Variants in KCNH3 observed in about 807,000 individuals in gnomAD.
KCNH3 encodes potassium voltage-gated channel subfamily H member 3.
Under a neutral mutation model 95.6 loss-of-function variants are expected in KCNH3, and 36 were observed. The ratio of observed to expected loss-of-function variants is 0.38; its 90% CI spans 0.29 to 0.50. The LOEUF (loss-of-function observed/expected upper bound fraction) is 0.50. Among genes scored for constraint, KCNH3 ranks in the 20% least tolerant of loss-of-function variants. The pLI, the probability that KCNH3 is intolerant of heterozygous loss-of-function variation, is 0.95. For synonymous variants in KCNH3, 620 were observed against 646.3 expected, an observed-to-expected ratio of 0.96 and a Z score of 0.62; for missense variants, 1,030 against 1,484.1, an observed-to-expected ratio of 0.69 and a Z score of 5.03.
At chr12:49,555,395 C>T (rs1938401853) in intron 11 of KCNH3, among the ~76,000 whole-genome samples, 1 of 146,860 alleles carries the variant, frequency 6.8e-6, no homozygotes, top group South Asian at 2.2e-4. Flanking sequence ...TGCAGCGAGC[C>T]GAGATCACAC....
rs557698604 is a variant in KCNH3 at position 49,558,231 on chromosome 12, C to G, written c.*278C>G. ...TGAGGACAAGGAAGAGCTTTGCCAT[C>G]CCCTGCATGTGCCCCTGCCTCTACC... On this transcript the variant is annotated 3_prime_UTR_variant, in exon 15 of 15. Transcript: ENST00000257981. The G allele has an allele frequency of 1.1e-3, 437 of 399,410 alleles. 2 individuals are homozygous for G. Among genetic ancestry groups the G allele is most frequent in the Non-Finnish European group, 1.3e-3 (304 of 227,602 alleles). 24.7% of individuals were successfully genotyped at this position (399,410 alleles called of 1,614,324 possible).
At chr12:49,549,395 C>T (rs1175659476) in intron 8 of KCNH3, 46 bp from the exon 9 acceptor site, 15 of 1,598,736 alleles carry the variant, frequency 9.4e-6, no homozygotes, top group Non-Finnish European at 1.3e-5. Flanking sequence ...TGGTGTCAGG[C>T]CGGGCCAGGT....
chr12:49,541,267 C>G lies in KCNH3; in HGVS notation c.310+135C>G, dbSNP rs1565773378. On this transcript the variant is annotated intron_variant, in intron 2 of 14. Coordinates refer to ENST00000257981, the MANE Select transcript of KCNH3 (RefSeq NM_012284.3). Reference sequence around the variant, plus strand: ...ATGTCATCCCATCTTCCCATCCCCCCATCCAACCCCTCTTGCTCCATCCCA... The same window carrying G: ...ATGTCATCCCATCTTCCCATCCCCCGATCCAACCCCTCTTGCTCCATCCCA... 7 of 719,018 alleles carry G rather than the reference C, an allele frequency of 9.7e-6. No homozygotes were observed. The Admixed American group carries it at 1.4e-4, about 14-fold the overall frequency. 44.5% of individuals were successfully genotyped at this position (719,018 alleles called of 1,614,324 possible).
intron 10 of KCNH3, among the ~76,000 whole-genome samples, chr12:49,551,574 C>CAAAAAA (rs59344956): frequency 1.9e-3 from 106 of 57,150 alleles, no homozygotes; most frequent in Non-Finnish European, 2.5e-3. Context: ...GACTCTGTCT[C>CAAAAAA]AAAAAAAAAA....
chr12:49,541,182 C>A lies in KCNH3; in HGVS notation c.310+50C>A. ...CCTCACCTTTGCAGTCTCACCCAGC[C>A]TGGCACCAGCCCCATCCACTGTCCC... is the stretch of plus-strand genomic sequence containing the variant. On this transcript the variant is annotated intron_variant, in intron 2 of 14. Coordinates refer to ENST00000257981, the MANE Select transcript of KCNH3 (RefSeq NM_012284.3). 2.2e-6 allele frequency: 3 copies of A among 1,374,932 alleles called. No individual in the cohort carries two copies. The South Asian group carries it at 3.7e-5, about 17-fold the overall frequency. The allele number at this position is 1,374,932 out of a possible 1,614,324, so 85.2% of individuals were successfully genotyped here. A position where few individuals can be genotyped will look rare whatever the true frequency, so the allele number is the denominator to read the frequency against.
chr12:49,543,549 CT>C, intron 5 of KCNH3, 31 bp downstream of exon 5: 1 of 1,578,162 alleles, frequency 6.3e-7, no homozygotes, highest in Non-Finnish European at 8.6e-7. Context: ...CCGCCCCACC[CT>C]TTGCTGGCGC....
At chr12:49,547,134 C>T (rs1938089389) in intron 7 of KCNH3, among the ~76,000 whole-genome samples, 1 of 152,168 alleles carries the variant, frequency 6.6e-6, no homozygotes, top group African/African-American at 2.4e-5. Flanking sequence ...ACCTTGTGAT[C>T]TGCCCACCTC....
At chr12:49,541,207 C>T in intron 2 of KCNH3, 75 bp downstream of exon 2, 1 of 1,068,900 alleles carries the variant, frequency 9.4e-7, no homozygotes, top group Non-Finnish European at 1.4e-6. Context: ...TCCACTGTCC[C>T]TCCTCCTTTC....
chr12:49,547,431 C>G (rs1043310697), intron 7 of KCNH3, among the ~76,000 whole-genome samples: 12 of 152,248 alleles, frequency 7.9e-5, no homozygotes, highest in African/African-American at 2.9e-4. Flanking sequence ...TTCTTTGTAT[C>G]AAAACCCTAC....
rs903936510 is a variant in KCNH3 at position 49,542,898 on chromosome 12, G to A, written c.579+59G>A. The A allele has an allele frequency of 4.8e-5, 76 of 1,573,342 alleles. 1 individual carries two copies. In the South Asian group the frequency reaches 7.5e-4, roughly 16 times the overall value. ...AGGGGCAGACGCAGAAGATGGGGAA[G>A]GGGAACCTGATCTACCACAGAGAGA... On this transcript the variant is annotated intron_variant, in intron 4 of 14. Transcript: ENST00000257981.
At chr12:49,552,583 C>G (rs1194207529) in intron 10 of KCNH3, among the ~76,000 whole-genome samples, 1 of 152,236 alleles carries the variant, frequency 6.6e-6, no homozygotes, top group Non-Finnish European at 1.5e-5. Context: ...TGCATCCTGT[C>G]TGCTTCAGGC....
intron 10 of KCNH3, among the ~76,000 whole-genome samples, chr12:49,553,711 T>A (rs772680938): frequency 6.6e-6 from 1 of 152,234 alleles, no homozygotes; most frequent in South Asian, 2.1e-4. Context: ...AAAACCTCCA[T>A]TGACCCCTTC....
chr12:49,556,414 A>G lies in KCNH3; in HGVS notation c.2513A>G (p.Lys838Arg), dbSNP rs1032361533. 1.2e-6 allele frequency: 2 copies of G among 1,614,060 alleles called. No homozygotes were observed. Among genetic ancestry groups the G allele is most frequent in the Middle Eastern group, 1.7e-4 (1 of 6,060 alleles). The change falls in exon 13 of 15, where the codon AAG becomes AGG. Residue 838 changes from lysine (K) to arginine (R), a missense_variant. By Grantham distance (26) the Lys-to-Arg change is conservative. Transcript: ENST00000257981. Reference protein sequence around the residue: ...IEDGCGSDQPKFSFRVGQSGP... With the variant: ...IEDGCGSDQPRFSFRVGQSGP... ...GACGGCTGTGGCTCGGACCAGCCCA[A>G]GTTCTCTTTCCGCGTGGGCCAGTCT...
At position 49,557,616 on chromosome 12, in the gene KCNH3, T is replaced by C; in HGVS notation, c.2915T>C (p.Met972Thr). 6.2e-7 allele frequency: 1 copy of C among 1,613,458 alleles called. No individual in the cohort carries two copies. Among genetic ancestry groups the C allele is most frequent in the Non-Finnish European group, 8.5e-7 (1 of 1,179,926 alleles). Reference protein sequence around the residue: ...PHPRPGPPPLMAPWPWGPPAS... With the variant: ...PHPRPGPPPLTAPWPWGPPAS... Reference sequence around the variant, plus strand: ...CCTCGTCCGGGGCCTCCTCCCCTCATGGCACCCTGGCCCTGGGGTCCCCCA... The same window carrying C: ...CCTCGTCCGGGGCCTCCTCCCCTCACGGCACCCTGGCCCTGGGGTCCCCCA... Residue 972 changes from methionine (M) to threonine (T), a missense_variant, in exon 15 of 15, where the codon ATG becomes ACG. This residue lies in a region of KCNH3 where 464 missense variants were observed against 493.2 expected (regional missense o/e 0.94). Transcript: ENST00000257981.
intron 10 of KCNH3, among the ~76,000 whole-genome samples, chr12:49,551,730 C>T (rs930692094): frequency 4.6e-5 from 7 of 152,152 alleles, no homozygotes; most frequent in Non-Finnish European, 8.8e-5. Flanking sequence ...GACCTGACCA[C>T]TGCTGACGAC....
intron 7 of KCNH3, among the ~76,000 whole-genome samples, chr12:49,545,630 ATCCACCTGCCTCGGCC>A (rs1938036939): frequency 6.6e-6 from 1 of 151,920 alleles, no homozygotes; most frequent in African/African-American, 2.4e-5. Flanking sequence ...TGACCTTGTG[ATCCACCTGCCTCGGCC>A]TCCCAAAGTG....
chr12:49,547,200 C>T (rs1204997135), intron 7 of KCNH3, among the ~76,000 whole-genome samples: 1 of 152,166 alleles, frequency 6.6e-6, no homozygotes, highest in East Asian at 1.9e-4. Flanking sequence ...ACCATGTACT[C>T]CACTGCATTC....
Position 49,557,579 on chromosome 12 carries a change from A to T in KCNH3, c.2878A>T (p.Thr960Ser). The T allele has an allele frequency of 6.2e-7, 1 of 1,612,686 alleles. No individual in the cohort carries two copies. The highest frequency in any genetic ancestry group is 8.5e-7 in the Non-Finnish European group (1 of 1,179,910). ...QPPAGSVLSG[T>S]WPHPRPGPPP... ...CCCAGCTGGCTCTGTCTTGAGTGGG[A>T]CTTGGCCCCACCCTCGTCCGGGGCC... The change falls in exon 15 of 15, where the codon ACT becomes TCT. Residue 960 changes from threonine to serine, a missense_variant. Physicochemically the swap from Thr to Ser is moderately conservative, Grantham distance 58 (BLOSUM62 1). This residue lies in a region of KCNH3 where 464 missense variants were observed against 493.2 expected (regional missense o/e 0.94). Transcript: ENST00000257981.
In KCNH3 at chr12:49,555,770, T is replaced by G. The variant is rs1482027441; in HGVS notation, c.2287T>G (p.Ser763Ala). ...LLSPGCTSSS[S>A]AAKLLSPRRT... ...GTCCCCTGGCTGCACCTCCTCATCCTCAGCTGCCAAGCTGCTATCCCCACG... is the reference window on the plus strand; with the variant it reads ...GTCCCCTGGCTGCACCTCCTCATCCGCAGCTGCCAAGCTGCTATCCCCACG... Residue 763 changes from serine to alanine, a missense_variant, in exon 12 of 15, where the codon TCA becomes GCA. Ser to Ala is a moderately conservative substitution (Grantham distance 99, BLOSUM62 1). Coordinates refer to ENST00000257981, the MANE Select transcript of KCNH3 (RefSeq NM_012284.3). The G allele has an allele frequency of 6.2e-7, 1 of 1,613,598 alleles. No homozygotes were observed. Among genetic ancestry groups the G allele is most frequent in the Non-Finnish European group, 8.5e-7 (1 of 1,179,878 alleles).
Sources: allele counts gnomAD v4.1 joint callset (sites outside exome capture counted in the v4.1 genomes callset), GRCh38; gene constraint gnomAD v4.1.1; regional missense constraint gnomAD v4.1.1; transcripts MANE v1.5; gene names NCBI Gene and HGNC (gene_info 2026-07-23, HGNC 2026-07-21).